Variants in MYOZ2 observed in about 807,000 individuals in gnomAD.
MYOZ2 encodes the protein myozenin 2.
A neutral mutation model predicts 25.4 loss-of-function variants in MYOZ2; 19 were observed. The observed-to-expected ratio is 0.75, with a 90% CI of 0.52 to 1.10. The LOEUF (loss-of-function observed/expected upper bound fraction) is 1.10, where lower values mean the gene tolerates loss of function less well. Among genes scored for constraint, MYOZ2 ranks in the 50% least tolerant of loss-of-function variants. The probability of loss-of-function intolerance (pLI) is 0.00; values close to 1 mark genes in which losing one functional copy is unlikely to be tolerated. For missense variants in MYOZ2, 270 were observed against 317.9 expected, an observed-to-expected ratio of 0.85 and a Z score of 1.15; for synonymous variants, 92 against 106.9, an observed-to-expected ratio of 0.86 and a Z score of 0.86.
Position 119,173,794 on chromosome 4 carries a change from C to T in MYOZ2, c.560+9400C>T, listed in dbSNP as rs374650510. Among the ~76,000 whole-genome samples, 26 of 152,264 alleles carry T rather than the reference C, an allele frequency of 1.7e-4. 1 individual carries two copies. Among genetic ancestry groups the T allele is most frequent in the South Asian group, 6.2e-4 (3 of 4,828 alleles). ...TGCAGGGAGCTGTGGAGGGAGAGGC[C>T]CGAGCGGGAACCGGGGCTGCGTGGG... On this transcript the variant is annotated intron_variant, in intron 5 of 5. Coordinates refer to ENST00000307128, the MANE Select transcript of MYOZ2 (RefSeq NM_016599.5).
chr4:119,168,681 C>A (rs6825191), intron 5 of MYOZ2, among the ~76,000 whole-genome samples: 2 of 133,644 alleles, frequency 1.5e-5, no homozygotes, highest in African/African-American at 7.4e-5. Flanking sequence ...AAAACAACAA[C>A]AAAACAACAA....
intron 5 of MYOZ2, among the ~76,000 whole-genome samples, chr4:119,175,558 C>G (rs1356620987): frequency 6.6e-6 from 1 of 151,860 alleles, no homozygotes; most frequent in African/African-American, 2.4e-5. Context: ...TCGAGACCAC[C>G]CTGGCCAACA....
At position 119,175,803 on chromosome 4, in the gene MYOZ2, A is replaced by C. The variant is rs184277477; in HGVS notation, c.561-10163A>C. 3.3e-5 allele frequency among the ~76,000 whole-genome samples: 5 copies of C among 151,950 alleles called. No individual in the cohort carries two copies. In the South Asian group the frequency reaches 6.2e-4, roughly 19 times the overall value. The stretch of plus-strand genomic sequence containing the variant: ...GTGGTTGTGTGACCTGTGCAATTGC[A>C]TGGGGCCCCACATTTATTTATTTCA... On this transcript the variant is annotated intron_variant, in intron 5 of 5. Transcript: ENST00000307128.
intron 5 of MYOZ2, among the ~76,000 whole-genome samples, chr4:119,181,101 G>A (rs1006026975): frequency 6.6e-6 from 1 of 152,124 alleles, no homozygotes; most frequent in Non-Finnish European, 1.5e-5. Context: ...GGTATGTAAT[G>A]TTTTGGAAAA....
At chr4:119,137,385 T>C (rs528115325) in intron 2 of MYOZ2, among the ~76,000 whole-genome samples, 31 of 152,280 alleles carry the variant, frequency 2.0e-4, no homozygotes, top group African/African-American at 7.2e-4. Flanking sequence ...AAGAAAAATA[T>C]TCAGGTCCTC....
At chr4:119,176,423 A>G (rs968702738) in intron 5 of MYOZ2, among the ~76,000 whole-genome samples, 1 of 152,134 alleles carries the variant, frequency 6.6e-6, no homozygotes, top group Non-Finnish European at 1.5e-5. Context: ...GGGTTTCGCC[A>G]TGTTGGCCAG....
At chr4:119,139,728 T>C (rs533385449) in intron 2 of MYOZ2, among the ~76,000 whole-genome samples, 79 of 152,140 alleles carry the variant, frequency 5.2e-4, no homozygotes, top group Non-Finnish European at 8.5e-4. Flanking sequence ...AGTATGATGT[T>C]CCCTGACTTT....
chr4:119,177,614 A>G (rs756017885), intron 5 of MYOZ2, among the ~76,000 whole-genome samples: 1 of 152,180 alleles, frequency 6.6e-6, no homozygotes, highest in African/African-American at 2.4e-5. Context: ...AAATTGGAAG[A>G]CACCTACCTT....
intron 2 of MYOZ2, among the ~76,000 whole-genome samples, chr4:119,140,304 G>A (rs748448237): frequency 6.6e-6 from 1 of 152,194 alleles, no homozygotes; most frequent in Admixed American, 6.5e-5. Flanking sequence ...TCTTGTAGGA[G>A]TGTATCTTAA....
chr4:119,166,078 C>G (rs1741818713), intron 5 of MYOZ2, among the ~76,000 whole-genome samples: 1 of 152,058 alleles, frequency 6.6e-6, no homozygotes. Flanking sequence ...GCTAATACTT[C>G]TCTTTTACTT....
chr4:119,180,682 T>G (rs1242931463), intron 5 of MYOZ2, among the ~76,000 whole-genome samples: 1 of 152,140 alleles, frequency 6.6e-6, no homozygotes, highest in Non-Finnish European at 1.5e-5. Context: ...GCCTCCTGAG[T>G]AGCTGGGATT....
At chr4:119,173,126 G>T (rs1352488356) in intron 5 of MYOZ2, among the ~76,000 whole-genome samples, 3 of 151,956 alleles carry the variant, frequency 2.0e-5, no homozygotes, top group Non-Finnish European at 4.4e-5. Context: ...ATTATTATAG[G>T]CGTATTATAT....
chr4:119,174,510 A>G (rs1188604266), intron 5 of MYOZ2, among the ~76,000 whole-genome samples: 1 of 151,944 alleles, frequency 6.6e-6, no homozygotes, highest in Non-Finnish European at 1.5e-5. Context: ...GAGTGCACCA[A>G]TCCACACTCT....
chr4:119,175,075 C>T (rs534587453), intron 5 of MYOZ2, among the ~76,000 whole-genome samples: 3 of 152,114 alleles, frequency 2.0e-5, no homozygotes, highest in Admixed American at 6.5e-5. Context: ...ACTTTAAGAG[C>T]TGTAACACTC....
Position 119,160,987 on chromosome 4 carries a change from ACT to A in MYOZ2, c.376+2837_376+2838del, listed in dbSNP as rs1325375404. Among the ~76,000 whole-genome samples the A allele has an allele frequency of 4.6e-5, 7 of 152,026 alleles. No homozygotes were observed. In the East Asian group the frequency reaches 1.4e-3, roughly 29 times the overall value. On this transcript the variant is annotated intron_variant, in intron 4 of 5. Transcript: ENST00000307128. ...CCCTACAGTGTTATAGAAGACTATA[ACT>A]TATTCCTCCTGTCTAGCTATAATTT... is the stretch of plus-strand genomic sequence containing the variant.
chr4:119,183,532 C>T (rs1380843897), intron 5 of MYOZ2, among the ~76,000 whole-genome samples: 1 of 152,094 alleles, frequency 6.6e-6, no homozygotes, highest in Non-Finnish European at 1.5e-5. Context: ...CATGATTGAC[C>T]TCTCCACTGG....
At chr4:119,159,891 A>G (rs1189044582) in intron 4 of MYOZ2, among the ~76,000 whole-genome samples, 1 of 152,226 alleles carries the variant, frequency 6.6e-6, no homozygotes, top group Non-Finnish European at 1.5e-5. Flanking sequence ...TAAAATGCAT[A>G]CAATTCTGAA....
intron 5 of MYOZ2, among the ~76,000 whole-genome samples, chr4:119,181,445 G>C (rs1333235993): frequency 2.6e-5 from 4 of 152,092 alleles, no homozygotes; most frequent in African/African-American, 7.2e-5. Context: ...CATTCTGGGA[G>C]AGTTATTCTA....
chr4:119,152,606 C>T (rs28472287), intron 3 of MYOZ2, among the ~76,000 whole-genome samples: 10,202 of 151,990 alleles, frequency 0.067, 1,147 homozygotes, highest in African/African-American at 0.23. Context: ...CACCTGTGTT[C>T]GAATGTGTTC....
Sources: gnomAD v4.1 joint callset for allele counts (sites outside exome capture counted in the v4.1 genomes callset) on GRCh38, gnomAD v4.1.1 for gene constraint, MANE v1.5 for transcripts, NCBI Gene and HGNC (gene_info 2026-07-23, HGNC 2026-07-21) for gene names.